TRIO: variants seen among roughly 807,000 people sequenced by gnomAD.
The protein encoded by TRIO is triple functional domain protein.
Under a neutral mutation model 351.9 loss-of-function variants are expected in TRIO, and 58 were observed. The ratio of observed to expected loss-of-function variants is 0.16; its 90% CI spans 0.13 to 0.21. TRIO has a LOEUF of 0.21. Ranked by LOEUF, TRIO falls within the 10% of genes least tolerant of loss-of-function variation. The probability of loss-of-function intolerance (pLI) is 1.00; values close to 1 mark genes in which losing one functional copy is unlikely to be tolerated. For missense variants in TRIO, 3,201 were observed against 4,027.8 expected (o/e 0.79, Z 5.56); for synonymous variants, 1,758 against 1,595.7 (o/e 1.10, Z -2.42).
At chr5:14,182,846 A>T (rs1789868628) in intron 1 of TRIO, among the ~76,000 whole-genome samples, 1 of 135,468 alleles carries the variant, frequency 7.4e-6, no homozygotes, top group South Asian at 2.5e-4. Context: ...GGAAAATTGG[A>T]CCAAATACAG....
At chr5:14,343,849 T>G (rs55691481) in intron 11 of TRIO, among the ~76,000 whole-genome samples, 10,929 of 152,296 alleles carry the variant, frequency 0.072, 534 homozygotes, top group Middle Eastern at 0.12. Context: ...CCAAACTGTT[T>G]TCCAGAATGA....
chr5:14,226,952 C>T (rs984433326), intron 1 of TRIO, among the ~76,000 whole-genome samples: 7 of 90,592 alleles, frequency 7.7e-5, no homozygotes, highest in African/African-American at 2.6e-4. Flanking sequence ...AAGTAGGAGT[C>T]CAGGAGGGAG....
intron 1 of TRIO, among the ~76,000 whole-genome samples, chr5:14,175,915 A>T (rs1006214213): frequency 6.6e-6 from 1 of 152,236 alleles, no homozygotes; most frequent in African/African-American, 2.4e-5. Context: ...TTTCCTTTGC[A>T]TCAATACTGA....
chr5:14,472,063 C>A (rs1343827166), intron 38 of TRIO, among the ~76,000 whole-genome samples: 1 of 152,146 alleles, frequency 6.6e-6, no homozygotes, highest in Admixed American at 6.5e-5. Flanking sequence ...CATGGATGAA[C>A]CTTTTCAGGC....
intron 42 of TRIO, 69 bp downstream of exon 42, chr5:14,479,419 G>A (rs1385785021): frequency 7.1e-7 from 1 of 1,399,196 alleles, no homozygotes; most frequent in Non-Finnish European, 9.9e-7. Flanking sequence ...AAAAATGAAA[G>A]TATCATTGGT....
chr5:14,214,733 T>C (rs1561210883), intron 1 of TRIO, among the ~76,000 whole-genome samples: 1 of 152,256 alleles, frequency 6.6e-6, no homozygotes, highest in Non-Finnish European at 1.5e-5. Context: ...TATATTTCAC[T>C]TTGATGATAC....
intron 1 of TRIO, among the ~76,000 whole-genome samples, chr5:14,159,532 G>A (rs968205928): frequency 6.6e-6 from 1 of 151,704 alleles, no homozygotes; most frequent in Non-Finnish European, 1.5e-5. Context: ...TTAAAAATCG[G>A]TGTCATTGTT....
intron 34 of TRIO, among the ~76,000 whole-genome samples, chr5:14,431,518 A>G (rs551153941): frequency 1.3e-5 from 2 of 152,338 alleles, no homozygotes; most frequent in South Asian, 4.1e-4. Flanking sequence ...TGTGTGTTCA[A>G]TCTCATCTAT....
intron 14 of TRIO, 139 bp downstream of exon 14, chr5:14,364,066 C>A (rs958663407): frequency 5.0e-6 from 4 of 801,070 alleles, no homozygotes; most frequent in Non-Finnish European, 7.5e-6. Flanking sequence ...TTTAAAAGAA[C>A]GTTTGCATTT....
chr5:14,496,702 T>C (rs886561034), intron 49 of TRIO, among the ~76,000 whole-genome samples, 177 bp from the exon 50 acceptor site: 1 of 152,138 alleles, frequency 6.6e-6, no homozygotes, highest in Non-Finnish European at 1.5e-5. Flanking sequence ...GTTGGTTTTA[T>C]CTCCTGGTTC....
intron 48 of TRIO, among the ~76,000 whole-genome samples, chr5:14,491,934 T>C (rs1384662081): frequency 2.0e-5 from 3 of 152,324 alleles, no homozygotes; most frequent in South Asian, 2.1e-4. Flanking sequence ...AGCAAGTTCG[T>C]ATTGCTGGAG....
rs186792686 is a variant in TRIO at position 14,456,864 on chromosome 5, A to C, written c.5204-4155A>C. ...TTTTTCAGATAGCTAAAAATAATAG[A>C]TATGTTATTTCATTCTGTTAATGAT... On this transcript the variant is annotated intron_variant, in intron 34 of 56. Coordinates refer to ENST00000344204, the MANE Select transcript of TRIO (RefSeq NM_007118.4). Among the ~76,000 whole-genome samples, 25 of 152,316 alleles carry C rather than the reference A, an allele frequency of 1.6e-4. No homozygotes were observed. In the East Asian group the frequency reaches 4.8e-3, roughly 29 times the overall value.
chr5:14,381,136 G>C lies in TRIO; in HGVS notation c.3454G>C (p.Glu1152Gln). The C allele has an allele frequency of 1.2e-6, 2 of 1,613,632 alleles. No homozygotes were observed. Among genetic ancestry groups the C allele is most frequent in the Non-Finnish European group, 1.7e-6 (2 of 1,179,802 alleles). Reference protein sequence around the residue: ...VFERSAKQALEWIHDNGEFYL... With the variant: ...VFERSAKQALQWIHDNGEFYL... ...TCATTCCTTCCCCTTCCAGGCTTTG[G>C]AATGGATCCATGACAATGGCGAGTT... The change falls in exon 21 of 57, where the codon GAA (glutamate) becomes CAA (glutamine). Residue 1152 changes from glutamate (E) to glutamine (Q), a missense_variant. Coordinates refer to ENST00000344204, the MANE Select transcript of TRIO (RefSeq NM_007118.4).
At chr5:14,304,775 G>A (rs1434128453) in intron 8 of TRIO, among the ~76,000 whole-genome samples, 183 bp downstream of exon 8, 2 of 152,200 alleles carry the variant, frequency 1.3e-5, no homozygotes, top group African/African-American at 4.8e-5. Flanking sequence ...GGGGCAGTAG[G>A]GGAAGCAGAA....
chr5:14,443,488 A>G, intron 34 of TRIO, among the ~76,000 whole-genome samples: 1 of 152,246 alleles, frequency 6.6e-6, no homozygotes, highest in East Asian at 1.9e-4. Flanking sequence ...TTTAAAAGGA[A>G]GAATGATTCT....
At chr5:14,492,529 C>T (rs1756563809) in intron 48 of TRIO, 38 bp from the exon 49 acceptor site, 3 of 1,605,286 alleles carry the variant, frequency 1.9e-6, no homozygotes, top group Non-Finnish European at 2.6e-6. Context: ...GTTTCAGTTC[C>T]TCCCTGCCTT....
chr5:14,198,132 A>G (rs1790887718), intron 1 of TRIO, among the ~76,000 whole-genome samples: 1 of 152,254 alleles, frequency 6.6e-6, no homozygotes, highest in Non-Finnish European at 1.5e-5. Context: ...AAGTCACTAC[A>G]GTCCTACCAC....
Position 14,369,378 on chromosome 5 carries a change from G to A in TRIO, c.3071G>A (p.Cys1024Tyr). The change falls in exon 18 of 57, where the codon TGC becomes TAC. Residue 1024 changes from cysteine (C) to tyrosine (Y), a missense_variant. Around this residue, in one of 19 missense-constraint regions of TRIO, gnomAD observed 363 missense variants for 553.5 expected, o/e 0.66. Coordinates refer to ENST00000344204, the MANE Select transcript of TRIO (RefSeq NM_007118.4). ...VAFYKTSEQV[C>Y]SVLESLEQEY... is the part of the protein sequence containing the mutation. Reference sequence around the variant, plus strand: ...TCAAACTTTTCCTGCTCACAGGTCTGCAGCGTCCTCGAGAGCCTGGAACAG... The same window carrying A: ...TCAAACTTTTCCTGCTCACAGGTCTACAGCGTCCTCGAGAGCCTGGAACAG... 6.2e-7 allele frequency: 1 copy of A among 1,612,030 alleles called. No homozygotes were observed. Among genetic ancestry groups the A allele is most frequent in the Non-Finnish European group, 8.5e-7 (1 of 1,178,944 alleles).
At chr5:14,143,909 C>A in intron 1 of TRIO, 27 bp downstream of exon 1, 1 of 1,064,970 alleles carries the variant, frequency 9.4e-7, no homozygotes, top group Non-Finnish European at 1.1e-6. Flanking sequence ...CCGGCCCGCC[C>A]AGCGGCGCTG....
Sources: allele counts gnomAD v4.1 joint callset (sites outside exome capture counted in the v4.1 genomes callset), GRCh38; gene constraint gnomAD v4.1.1; regional missense constraint gnomAD v4.1.1; transcripts MANE v1.5; gene names NCBI Gene and HGNC (gene_info 2026-07-23, HGNC 2026-07-21).